CDK13: variants seen among roughly 807,000 people sequenced by gnomAD.
The protein encoded by CDK13 is cyclin dependent kinase 13, also known as cyclin-dependent kinase 13.
Under a neutral mutation model 137.6 loss-of-function variants are expected in CDK13, and 40 were observed. The observed-to-expected ratio is 0.29, with a 90% CI of 0.23 to 0.38. The LOEUF is 0.38. Ranked by LOEUF, CDK13 falls within the 10% of genes least tolerant of loss-of-function variation. The probability of loss-of-function intolerance (pLI) is 1.00; values close to 1 mark genes in which losing one functional copy is unlikely to be tolerated. For synonymous variants in CDK13, 869 were observed against 760.1 expected (o/e 1.14, Z -2.36); for missense variants, 1,704 against 1,951.8 (o/e 0.87, Z 2.39).
Position 39,950,569 on chromosome 7 carries a change from G to T in CDK13, c.-73G>T. The stretch of plus-strand genomic sequence containing the variant: ...CCCTCCGCCGCCGCTCCCGTTTCCG[G>T]CGGGGGAGATGGCCAGGATCTGACC... On this transcript the variant is annotated 5_prime_UTR_variant, in exon 1 of 14. Coordinates refer to ENST00000181839, the MANE Select transcript of CDK13 (RefSeq NM_003718.5). 1 of 1,271,046 alleles carries T rather than the reference G, an allele frequency of 7.9e-7. No individual in the cohort carries two copies. Among genetic ancestry groups the T allele is most frequent in the Non-Finnish European group, 9.9e-7 (1 of 1,008,886 alleles). 78.7% of individuals were successfully genotyped at this position (1,271,046 alleles called of 1,614,324 possible). A position where few individuals can be genotyped will look rare whatever the true frequency, so the allele number is the denominator to read the frequency against.
chr7:39,992,982 C>T (rs543376296), intron 2 of CDK13, among the ~76,000 whole-genome samples: 43 of 152,226 alleles, frequency 2.8e-4, no homozygotes, highest in South Asian at 6.2e-4. Flanking sequence ...TGATGAGCAA[C>T]GTTAAGGTCT....
At chr7:40,080,883 C>A (rs1786649544) in intron 11 of CDK13, among the ~76,000 whole-genome samples, 1 of 152,082 alleles carries the variant, frequency 6.6e-6, no homozygotes, top group Non-Finnish European at 1.5e-5. Context: ...TCTGTAAGAA[C>A]TAGGACTTTA....
In CDK13 at chr7:39,951,007, G is replaced by C. The variant is rs1346018199; in HGVS notation, c.366G>C (p.Ser122=). ...GQEAEKRRVF[S]LPQPQQDGGG... ...AGGCGGAGAAGCGTCGGGTCTTCTC[G>C]CTGCCCCAGCCGCAGCAGGACGGCG... Residue 122 remains serine, a synonymous_variant, in exon 1 of 14, where the codon TCG becomes TCC. Transcript: ENST00000181839. 1.5e-6 allele frequency: 2 copies of C among 1,304,586 alleles called. No individual in the cohort carries two copies. Among genetic ancestry groups the C allele is most frequent in the Non-Finnish European group, 1.9e-6 (2 of 1,030,058 alleles). The allele number at this position is 1,304,586 out of a possible 1,614,324, so 80.8% of individuals were successfully genotyped here.
intron 7 of CDK13, chr7:40,049,206 A>AGGAAG (rs1785822993): frequency 7.5e-6 from 1 of 133,370 alleles, no homozygotes; most frequent in Non-Finnish European, 1.6e-5. Flanking sequence ...AAAAAAAAAA[A>AGGAAG]GGAAGGGAGG....
Position 40,095,190 on chromosome 7 carries a change from T to G in CDK13, c.*210T>G. ...TTCTAAAAACTAGATCGATTGTACA[T>G]CTTCACAAATTCTAGTTAACAATTT... is the stretch of plus-strand genomic sequence containing the variant. On this transcript the variant is annotated 3_prime_UTR_variant, in exon 14 of 14. Transcript: ENST00000181839. 1 of 368,916 alleles carries G rather than the reference T, an allele frequency of 2.7e-6. No individual in the cohort carries two copies. Among genetic ancestry groups the G allele is most frequent in the Non-Finnish European group, 4.7e-6 (1 of 211,890 alleles). 22.9% of individuals were successfully genotyped at this position (368,916 alleles called of 1,614,324 possible).
chr7:40,034,361 T>A (rs1457194115), intron 5 of CDK13, among the ~76,000 whole-genome samples: 1 of 152,216 alleles, frequency 6.6e-6, no homozygotes, highest in African/African-American at 2.4e-5. Context: ...GAGTTGTTGC[T>A]TTTCACCTTT....
At position 40,090,141 on chromosome 7, in the gene CDK13, C is replaced by T. The variant is rs150541335; in HGVS notation, c.3235+1810C>T. ...AATTTTGGATGGTGATCTGTTTTCC[C>T]AGGCAACAGTTGTCATATTTGGCAA... is the stretch of plus-strand genomic sequence containing the variant. On this transcript the variant is annotated intron_variant, in intron 12 of 13. Coordinates refer to ENST00000181839, the MANE Select transcript of CDK13 (RefSeq NM_003718.5). Among the ~76,000 whole-genome samples, 29 of 152,196 alleles carry T rather than the reference C, an allele frequency of 1.9e-4. No homozygotes were observed. The East Asian group carries it at 5.2e-3, about 27-fold the overall frequency.
Position 39,988,047 on chromosome 7 carries a change from G to A in CDK13, c.1660G>A (p.Val554Ile), listed in dbSNP as rs780672485. Residue 554 changes from valine (V) to isoleucine (I), a missense_variant, in exon 2 of 14, where the codon GTA (valine) becomes ATA (isoleucine). Val to Ile is a conservative substitution (Grantham distance 29). This residue lies in a region of CDK13 where 1,051 missense variants were observed against 931.0 expected (regional missense o/e 1.13). Coordinates refer to ENST00000181839, the MANE Select transcript of CDK13 (RefSeq NM_003718.5). ...QVTKVENNLI[V>I]DKATKKAVIV... ...AACGAAGGTGGAAAATAATTTGATT[G>A]TAGATAAAGCCACCAAGAAAGCAGT... 6.2e-7 allele frequency: 1 copy of A among 1,614,024 alleles called. No individual in the cohort carries two copies. The highest frequency in any genetic ancestry group is 8.5e-7 in the Non-Finnish European group (1 of 1,180,022).
intron 2 of CDK13, among the ~76,000 whole-genome samples, chr7:39,994,419 C>T (rs917844117): frequency 6.6e-6 from 1 of 152,172 alleles, no homozygotes; most frequent in African/African-American, 2.4e-5. Context: ...ATCTGTTTCT[C>T]TACTTTCTTT....
intron 5 of CDK13, among the ~76,000 whole-genome samples, chr7:40,029,044 A>T (rs959409451): frequency 6.6e-6 from 1 of 152,052 alleles, no homozygotes; most frequent in Non-Finnish European, 1.5e-5. Context: ...GCAGATTTTT[A>T]AAATAAATAT....
Position 40,088,877 on chromosome 7 carries a change from C to T in CDK13, c.3235+546C>T, listed in dbSNP as rs544963267. On this transcript the variant is annotated intron_variant, in intron 12 of 13. Transcript: ENST00000181839. Reference sequence around the variant, plus strand: ...GATGGATCACCTGAGATCAGGAGTTCGAGACTAGCCTGGCCAACATCGCGA... The same window carrying T: ...GATGGATCACCTGAGATCAGGAGTTTGAGACTAGCCTGGCCAACATCGCGA... Among the ~76,000 whole-genome samples the T allele has an allele frequency of 9.2e-5, 14 of 152,016 alleles. No individual in the cohort carries two copies. The South Asian group carries it at 2.3e-3, about 25-fold the overall frequency.
At position 40,063,122 on chromosome 7, in the gene CDK13, T is replaced by C. The variant is rs779321104; in HGVS notation, c.2780+22T>C. ...TAAGGTAAGCTGCTGATTATAATATTGGTGGGAATTGGGAGAGTGTCATAC... is the reference window on the plus strand; with the variant it reads ...TAAGGTAAGCTGCTGATTATAATATCGGTGGGAATTGGGAGAGTGTCATAC... On this transcript the variant is annotated intron_variant, in intron 9 of 13. Coordinates refer to ENST00000181839, the MANE Select transcript of CDK13 (RefSeq NM_003718.5). 9 of 1,540,878 alleles carry C rather than the reference T, an allele frequency of 5.8e-6. No homozygotes were observed. The Admixed American group carries it at 1.5e-4, about 26-fold the overall frequency.
intron 9 of CDK13, among the ~76,000 whole-genome samples, chr7:40,066,503 G>A (rs1336229532): frequency 1.3e-5 from 2 of 152,166 alleles, no homozygotes; most frequent in Non-Finnish European, 2.9e-5. Context: ...ACAGGAGGTA[G>A]TTGTTAGTTT....
At chr7:40,088,944 G>A (rs1437338127) in intron 12 of CDK13, among the ~76,000 whole-genome samples, 1 of 152,078 alleles carries the variant, frequency 6.6e-6, no homozygotes, top group Admixed American at 6.6e-5. Flanking sequence ...GCCGGGCGTG[G>A]TGGCACACAC....
intron 11 of CDK13, among the ~76,000 whole-genome samples, chr7:40,085,368 C>CA (rs34788348): frequency 0.053 from 6,553 of 122,740 alleles, 226 homozygotes; most frequent in African/African-American, 0.12. Context: ...GATTCCATCT[C>CA]AAAAAAAAAA....
chr7:40,069,529 T>C (rs1019971950), intron 9 of CDK13: 5 of 304,472 alleles, frequency 1.6e-5, no homozygotes, highest in African/African-American at 8.6e-5. Flanking sequence ...GAATTAAATG[T>C]AAATAAGTTT....
At chr7:39,986,514 C>A (rs1295181531) in intron 1 of CDK13, 2 of 152,076 alleles carry the variant, frequency 1.3e-5, no homozygotes, top group Non-Finnish European at 2.9e-5. Flanking sequence ...TGGCATAGTT[C>A]TTTGTGGGAA....
intron 5 of CDK13, among the ~76,000 whole-genome samples, chr7:40,039,541 C>T (rs1284156606): frequency 1.4e-5 from 2 of 145,122 alleles, no homozygotes; most frequent in Non-Finnish European, 3.0e-5. Flanking sequence ...AAGTGATTCT[C>T]ATGCCTCAGC....
chr7:39,999,575 C>T (rs1784640616), intron 4 of CDK13, 75 bp downstream of exon 4: 8 of 1,414,558 alleles, frequency 5.7e-6, no homozygotes, highest in African/African-American at 1.5e-5. Context: ...TGATGTTTGG[C>T]TTCAGAAATT....
Sources: gnomAD v4.1 joint callset for allele counts (sites outside exome capture counted in the v4.1 genomes callset) on GRCh38, gnomAD v4.1.1 for gene constraint, gnomAD v4.1.1 regional missense constraint, MANE v1.5 for transcripts, NCBI Gene and HGNC (gene_info 2026-07-23, HGNC 2026-07-21) for gene names.